YEATS4: variants seen among roughly 807,000 people sequenced by gnomAD.
The protein encoded by YEATS4 is YEATS domain-containing protein 4.
Under a neutral mutation model 30.1 loss-of-function variants are expected in YEATS4, and 17 were observed. That is an observed-to-expected ratio of 0.56 (90% CI 0.39 to 0.85). The LOEUF is 0.85. Among genes scored for constraint, YEATS4 ranks in the 40% least tolerant of loss-of-function variants. The pLI, the probability that YEATS4 is intolerant of heterozygous loss-of-function variation, is 0.00. For synonymous variants in YEATS4, 85 were observed against 87.5 expected (o/e 0.97, Z 0.16); for missense variants, 142 against 268.3 (o/e 0.53, Z 3.29).
chr12:69,391,362 C>G (rs1868313954), downstream of YEATS4, among the ~76,000 whole-genome samples: 1 of 152,088 alleles, frequency 6.6e-6, no homozygotes, highest in Non-Finnish European at 1.5e-5. Context: ...GCATTAGCTT[C>G]ATGCACTACT....
chr12:69,413,001 GAC>G, the YEATS4 span, among the ~76,000 whole-genome samples: 2 of 152,104 alleles, frequency 1.3e-5, no homozygotes, highest in African/African-American at 2.4e-5. Context: ...ACATTGGAAA[GAC>G]AGAAAAAAAA....
chr12:69,381,186 G>A (rs912944614), intron 6 of YEATS4, among the ~76,000 whole-genome samples: 5 of 152,046 alleles, frequency 3.3e-5, no homozygotes, highest in East Asian at 3.9e-4. Context: ...AGCTGCGACC[G>A]TAAAAGACAG....
chr12:69,372,552 T>TTTTTTTG (rs1875687480), intron 6 of YEATS4, among the ~76,000 whole-genome samples: 1 of 150,598 alleles, frequency 6.6e-6, no homozygotes, highest in Admixed American at 6.6e-5. Flanking sequence ...TTTTTTTTTT[T>TTTTTTTG]GAGACAGAGC....
At chr12:69,365,397 G>A (rs1309278021) in intron 2 of YEATS4, among the ~76,000 whole-genome samples, 1 of 150,684 alleles carries the variant, frequency 6.6e-6, no homozygotes, top group Non-Finnish European at 1.5e-5. Context: ...GTTGCAGTGA[G>A]CCAAGATCAT....
intron 2 of YEATS4, among the ~76,000 whole-genome samples, chr12:69,365,201 G>A (rs967606804): frequency 6.6e-5 from 10 of 151,844 alleles, no homozygotes; most frequent in African/African-American, 1.7e-4. Flanking sequence ...TGTAATTCCA[G>A]CACACTGGTA....
At chr12:69,385,451 C>T (rs1876237737) in intron 6 of YEATS4, among the ~76,000 whole-genome samples, 1 of 152,124 alleles carries the variant, frequency 6.6e-6, no homozygotes, top group African/African-American at 2.4e-5. Flanking sequence ...AAATGCCAGA[C>T]TTATTCAGTG....
intron 6 of YEATS4, among the ~76,000 whole-genome samples, chr12:69,380,389 C>T (rs1876028784): frequency 6.6e-6 from 1 of 152,180 alleles, no homozygotes; most frequent in African/African-American, 2.4e-5. Context: ...GGATAAGATC[C>T]AGAAGAATCC....
chr12:69,402,725 C>CTTTTTTTTT, the YEATS4 span, among the ~76,000 whole-genome samples: 15 of 113,108 alleles, frequency 1.3e-4, no homozygotes, highest in East Asian at 2.4e-4. Context: ...TCTTTCTTTT[C>CTTTTTTTTT]TTTTTTTTTT....
intron 4 of YEATS4, among the ~76,000 whole-genome samples, chr12:69,367,833 G>C (rs1230942379): frequency 6.6e-6 from 1 of 152,202 alleles, no homozygotes; most frequent in Non-Finnish European, 1.5e-5. Flanking sequence ...TATGTTACTA[G>C]AGTAGAAGCT....
At position 69,377,997 on chromosome 12, in the gene YEATS4, A is replaced by G. The variant is rs1052821463; in HGVS notation, c.514+7022A>G. 3.3e-5 allele frequency among the ~76,000 whole-genome samples: 5 copies of G among 152,134 alleles called. 1 individual carries two copies. Among genetic ancestry groups the G allele is most frequent in the African/African-American group, 9.7e-5 (4 of 41,418 alleles). ...GGTCTATCTCTCTTAAACTCTAATA[A>G]TATTTGCTTTATGTATCTGACTGCT... On this transcript the variant is annotated intron_variant, in intron 6 of 6. Transcript: ENST00000247843.
intron 4 of YEATS4, among the ~76,000 whole-genome samples, chr12:69,369,941 A>G (rs982668275): frequency 1.3e-5 from 2 of 152,142 alleles, no homozygotes; most frequent in Admixed American, 6.6e-5. Flanking sequence ...TTCAGTTGCA[A>G]GGAATTTTAT....
At chr12:69,426,636 G>C in the YEATS4 span, among the ~76,000 whole-genome samples, 1 of 152,170 alleles carries the variant, frequency 6.6e-6, no homozygotes, top group Admixed American at 6.5e-5. Flanking sequence ...CTCCCAAAGT[G>C]CTGGGATTAT....
chr12:69,424,596 G>A, the YEATS4 span, among the ~76,000 whole-genome samples: 1 of 152,162 alleles, frequency 6.6e-6, no homozygotes, highest in African/African-American at 2.4e-5. Context: ...CCTGGTGGGA[G>A]GTGACTGGCT....
chr12:69,392,128 G>A (rs574999724), downstream of YEATS4, among the ~76,000 whole-genome samples: 1 of 152,310 alleles, frequency 6.6e-6, no homozygotes, highest in East Asian at 1.9e-4. Context: ...TGGTCAATAA[G>A]CATATGAGGA....
At chr12:69,369,374 T>C (rs1169314933) in intron 4 of YEATS4, among the ~76,000 whole-genome samples, 1 of 152,244 alleles carries the variant, frequency 6.6e-6, no homozygotes, top group Non-Finnish European at 1.5e-5. Flanking sequence ...TTCAGAGATA[T>C]TGCCCATCTG....
At chr12:69,413,969 T>C in the YEATS4 span, among the ~76,000 whole-genome samples, 1 of 152,214 alleles carries the variant, frequency 6.6e-6, no homozygotes, top group East Asian at 1.9e-4. Context: ...ACCCTTCTAA[T>C]ACAAAAATTT....
chr12:69,405,970 A>T, the YEATS4 span, among the ~76,000 whole-genome samples: 2 of 152,204 alleles, frequency 1.3e-5, no homozygotes, highest in Admixed American at 6.5e-5. Context: ...AAATAAGCAC[A>T]TACAACTCTA....
Position 69,390,391 on chromosome 12 carries a change from C to A in YEATS4, c.*75C>A. ...CTTCACTGGAGAAATGGACTTACTG[C>A]AAATGCTGTGATGTTTCTTAGAGGA... is the stretch of plus-strand genomic sequence containing the variant. On this transcript the variant is annotated 3_prime_UTR_variant, in exon 7 of 7. Transcript: ENST00000247843. The A allele has an allele frequency of 1.5e-6, 2 of 1,351,824 alleles. No homozygotes were observed. The highest frequency in any genetic ancestry group is 2.0e-6 in the Non-Finnish European group (2 of 1,009,834). The allele number at this position is 1,351,824 out of a possible 1,614,324, so 83.7% of individuals were successfully genotyped here.
At chr12:69,398,783 C>T in the YEATS4 span, among the ~76,000 whole-genome samples, 3 of 151,066 alleles carry the variant, frequency 2.0e-5, no homozygotes, top group Non-Finnish European at 4.4e-5. Context: ...CTACTGCACT[C>T]CAGCCTGGGC....
Sources: allele counts gnomAD v4.1 joint callset (sites outside exome capture counted in the v4.1 genomes callset), GRCh38; gene constraint gnomAD v4.1.1; transcripts MANE v1.5; gene names NCBI Gene and HGNC (gene_info 2026-07-23, HGNC 2026-07-21).